CTXND1: variants seen among roughly 807,000 people sequenced by gnomAD.
CTXND1 encodes cortexin domain containing 1.
At chr15:80,222,306 C>A (rs1567131339) in intron 1 of CTXND1, among the ~76,000 whole-genome samples, 1 of 152,064 alleles carries the variant, frequency 6.6e-6, no homozygotes, top group Non-Finnish European at 1.5e-5. Context: ...GAATATTATA[C>A]CACTCTTATT....
intron 1 of CTXND1, among the ~76,000 whole-genome samples, chr15:80,206,301 A>C (rs1893146796): frequency 6.6e-6 from 1 of 152,216 alleles, no homozygotes; most frequent in Admixed American, 6.5e-5. Context: ...CATCATTTTG[A>C]GATTTTACAA....
At chr15:80,235,660 C>T (rs1440706896) in intron 1 of CTXND1, among the ~76,000 whole-genome samples, 1 of 152,008 alleles carries the variant, frequency 6.6e-6, no homozygotes, top group African/African-American at 2.4e-5. Flanking sequence ...TTGCTCTTGG[C>T]TCCATAAAGT....
intron 1 of CTXND1, among the ~76,000 whole-genome samples, chr15:80,232,998 A>C (rs1893448955): frequency 7.2e-6 from 1 of 138,192 alleles, no homozygotes; most frequent in African/African-American, 2.8e-5. Flanking sequence ...GCTGGATTGC[A>C]GTGGCGCGAT....
At chr15:80,247,964 G>A (rs1350136347) in intron 1 of CTXND1, among the ~76,000 whole-genome samples, 2 of 152,108 alleles carry the variant, frequency 1.3e-5, no homozygotes, top group African/African-American at 2.4e-5. Context: ...TTGACCTAGC[G>A]AAAAAGTGCA....
At chr15:80,214,419 G>A (rs1045012013) in intron 1 of CTXND1, among the ~76,000 whole-genome samples, 1 of 151,976 alleles carries the variant, frequency 6.6e-6, no homozygotes, top group African/African-American at 2.4e-5. Flanking sequence ...TTCCAAAGGA[G>A]ACATCCACAA....
Position 80,195,931 on chromosome 15 carries a change from A to T in CTXND1, c.*5839T>A. ...TATGGGTCTGTTAAATTGGAAGATG[A>T]TCTTGTGCCATCTGGGGCTCCTTAT... On this transcript the variant is annotated 3_prime_UTR_variant, in exon 3 of 3. Transcript: ENST00000560778. The T allele has an allele frequency of 6.6e-6, 1 of 152,216 alleles. No homozygotes were observed. The highest frequency in any genetic ancestry group is 1.9e-4 in the East Asian group (1 of 5,192). The allele number at this position is 152,216 out of a possible 1,614,324, so 9.4% of individuals were successfully genotyped here. A position where few individuals can be genotyped will look rare whatever the true frequency, so the allele number is the denominator to read the frequency against.
chr15:80,250,349 C>A (rs1054152216), intron 1 of CTXND1, among the ~76,000 whole-genome samples: 1 of 151,608 alleles, frequency 6.6e-6, no homozygotes, highest in South Asian at 2.1e-4. Flanking sequence ...TTTTTTCAGG[C>A]CAATTAAAGT....
At chr15:80,204,140 G>A (rs1332474821) in intron 1 of CTXND1, among the ~76,000 whole-genome samples, 1 of 31,402 alleles carries the variant, frequency 3.2e-5, no homozygotes, top group African/African-American at 1.2e-4. Flanking sequence ...GAGCAAGACT[G>A]TGTCTCAAAA....
chr15:80,214,079 T>G (rs1482057900), intron 1 of CTXND1, among the ~76,000 whole-genome samples: 1 of 152,156 alleles, frequency 6.6e-6, no homozygotes, highest in Non-Finnish European at 1.5e-5. Flanking sequence ...TGAAAAAAAT[T>G]ACCTATAGTA....
At chr15:80,245,885 G>A (rs1893622259) in intron 1 of CTXND1, among the ~76,000 whole-genome samples, 1 of 152,016 alleles carries the variant, frequency 6.6e-6, no homozygotes, top group South Asian at 2.1e-4. Flanking sequence ...AACCCCGCAA[G>A]CCTCATGAAC....
intron 1 of CTXND1, among the ~76,000 whole-genome samples, chr15:80,241,343 A>T (rs912110379): frequency 3.3e-5 from 5 of 151,964 alleles, no homozygotes; most frequent in Non-Finnish European, 5.9e-5. Context: ...ATTATTCTCC[A>T]AACGCTGGGC....
At chr15:80,223,741 TG>T (rs1893343711) in intron 1 of CTXND1, among the ~76,000 whole-genome samples, 1 of 152,024 alleles carries the variant, frequency 6.6e-6, no homozygotes, top group Non-Finnish European at 1.5e-5. Context: ...CCAGCCATTC[TG>T]GGGGTAGATT....
intron 1 of CTXND1, among the ~76,000 whole-genome samples, chr15:80,209,949 C>T (rs1314913614): frequency 6.6e-6 from 1 of 152,194 alleles, no homozygotes; most frequent in Non-Finnish European, 1.5e-5. Flanking sequence ...AAAAATATGA[C>T]ACCTTATTTG....
chr15:80,213,822 T>C (rs1185931802), intron 1 of CTXND1, among the ~76,000 whole-genome samples: 1 of 152,200 alleles, frequency 6.6e-6, no homozygotes, highest in Non-Finnish European at 1.5e-5. Flanking sequence ...ACTATTCAGC[T>C]GTGACAGCAA....
intron 1 of CTXND1, among the ~76,000 whole-genome samples, chr15:80,251,770 C>G (rs1235003456): frequency 2.6e-5 from 4 of 152,012 alleles, no homozygotes; most frequent in African/African-American, 7.2e-5. Flanking sequence ...CCGCGCGGGT[C>G]CGGCCCTCCC....
intron 1 of CTXND1, among the ~76,000 whole-genome samples, chr15:80,224,094 A>G (rs967503534): frequency 6.6e-6 from 1 of 152,180 alleles, no homozygotes; most frequent in African/African-American, 2.4e-5. Flanking sequence ...TGCTCTGACG[A>G]TCACTAAGTG....
intron 1 of CTXND1, among the ~76,000 whole-genome samples, chr15:80,218,823 C>T (rs1893281791): frequency 6.6e-6 from 1 of 152,116 alleles, no homozygotes; most frequent in Non-Finnish European, 1.5e-5. Flanking sequence ...CACTTTCCTT[C>T]ACCAGAGGTG....
At chr15:80,206,252 G>A (rs950557144) in intron 1 of CTXND1, among the ~76,000 whole-genome samples, 11 of 152,280 alleles carry the variant, frequency 7.2e-5, no homozygotes, top group Admixed American at 2.6e-4. Flanking sequence ...TTCTTAAAAG[G>A]TAAAATTTAC....
intron 1 of CTXND1, among the ~76,000 whole-genome samples, chr15:80,245,350 C>A (rs942400804): frequency 6.6e-6 from 1 of 152,140 alleles, no homozygotes; most frequent in Non-Finnish European, 1.5e-5. Context: ...AGTTCTGGTT[C>A]TTTATTCATA....
Sources: gnomAD v4.1 joint callset for allele counts (sites outside exome capture counted in the v4.1 genomes callset) on GRCh38, gnomAD v4.1.1 for gene constraint, MANE v1.5 for transcripts, NCBI Gene and HGNC (gene_info 2026-07-23, HGNC 2026-07-21) for gene names.